The following EYA2 variants were observed in gnomAD, a reference collection of about 807,000 sequenced individuals.
EYA2 encodes the protein EYA transcriptional coactivator and phosphatase 2.
EYA2 carries 31 observed loss-of-function variants against 69.2 expected under a neutral mutation model. That is an observed-to-expected ratio of 0.45 (90% CI 0.34 to 0.60). The LOEUF is 0.60. EYA2 is among the 20% of genes least tolerant of loss of function. EYA2 has a pLI of 0.02. For missense variants in EYA2, 622 were observed against 701.2 expected, an observed-to-expected ratio of 0.89 and a Z score of 1.28; for synonymous variants, 257 against 279.4, an observed-to-expected ratio of 0.92 and a Z score of 0.80.
intron 1 of EYA2, among the ~76,000 whole-genome samples, chr20:46,989,587 A>T (rs1180875784): frequency 6.6e-6 from 1 of 152,196 alleles, no homozygotes; most frequent in Non-Finnish European, 1.5e-5. Flanking sequence ...TCTTAACCAC[A>T]GTCAACTCCA....
At chr20:47,123,994 AGGT>A (rs1309169707) in intron 9 of EYA2, among the ~76,000 whole-genome samples, 46 of 150,952 alleles carry the variant, frequency 3.0e-4, no homozygotes, top group African/African-American at 1.1e-3. Flanking sequence ...AAAAAAAAAA[AGGT>A]GGGGGAGTGG....
intron 1 of EYA2, among the ~76,000 whole-genome samples, chr20:46,929,290 A>G (rs1985559589): frequency 6.6e-6 from 1 of 152,118 alleles, no homozygotes; most frequent in Non-Finnish European, 1.5e-5. Context: ...CTCTGAAGGA[A>G]CTGGGAACTG....
intron 9 of EYA2, among the ~76,000 whole-genome samples, chr20:47,109,239 C>G (rs2032681069): frequency 6.6e-6 from 1 of 152,178 alleles, no homozygotes; most frequent in Non-Finnish European, 1.5e-5. Context: ...TGCACATTTC[C>G]TATACACCAA....
chr20:47,183,507 C>T, intron 15 of EYA2, 116 bp downstream of exon 15: 5 of 811,914 alleles, frequency 6.2e-6, no homozygotes, highest in Non-Finnish European at 9.8e-6. Context: ...GTCCTCCTTC[C>T]CAGGCTCCTT....
chr20:46,912,764 A>C (rs1451630557), intron 1 of EYA2, among the ~76,000 whole-genome samples: 3 of 149,064 alleles, frequency 2.0e-5, no homozygotes, highest in African/African-American at 7.4e-5. Context: ...GCAGTGGCGC[A>C]ATCTCGGCTC....
At chr20:47,094,699 T>C (rs539263429) in intron 8 of EYA2, among the ~76,000 whole-genome samples, 3 of 152,112 alleles carry the variant, frequency 2.0e-5, no homozygotes, top group Non-Finnish European at 4.4e-5. Flanking sequence ...TTGAAAATAA[T>C]GATCACCAGA....
chr20:46,904,727 C>T lies in EYA2; in HGVS notation c.-11+9740C>T, dbSNP rs114575384. Among the ~76,000 whole-genome samples the T allele has an allele frequency of 3.8e-3, 581 of 152,320 alleles. 4 individuals carry two copies. The highest frequency in any genetic ancestry group is 0.014 in the African/African-American group (562 of 41,564). On this transcript the variant is annotated intron_variant, in intron 1 of 15. Transcript: ENST00000327619. ...GACGCACGGCCCCTCCCAACCCTGG[C>T]TTTGAATGGTGCCCACTCAGAACCT... is the stretch of plus-strand genomic sequence containing the variant.
chr20:47,059,668 C>T (rs1331425310), intron 5 of EYA2, among the ~76,000 whole-genome samples: 1 of 152,232 alleles, frequency 6.6e-6, no homozygotes, highest in Non-Finnish European at 1.5e-5. Flanking sequence ...TATTTCAAGC[C>T]ACCATTCTTC....
intron 2 of EYA2, among the ~76,000 whole-genome samples, chr20:46,996,869 G>C (rs144883872): frequency 1.3e-5 from 2 of 151,958 alleles, no homozygotes; most frequent in Admixed American, 6.5e-5. Context: ...GGAAGAGAGG[G>C]GGGTGGCAAG....
chr20:46,969,747 G>A (rs1380026534), intron 1 of EYA2, among the ~76,000 whole-genome samples: 4 of 152,166 alleles, frequency 2.6e-5, no homozygotes, highest in African/African-American at 7.2e-5. Flanking sequence ...CTCTTTGGGG[G>A]TTCATTTAAT....
chr20:47,056,006 T>C (rs1040400026), intron 5 of EYA2, among the ~76,000 whole-genome samples: 2 of 152,204 alleles, frequency 1.3e-5, no homozygotes, highest in African/African-American at 2.4e-5. Flanking sequence ...TCCCGACTTG[T>C]GTGGCAGAGA....
chr20:47,108,734 G>A (rs2032662632), intron 9 of EYA2, among the ~76,000 whole-genome samples: 1 of 151,988 alleles, frequency 6.6e-6, no homozygotes, highest in African/African-American at 2.4e-5. Flanking sequence ...ACTGTGCCCA[G>A]CTAATTTTTT....
chr20:47,032,219 C>T (rs890921802), intron 5 of EYA2, among the ~76,000 whole-genome samples: 1 of 152,154 alleles, frequency 6.6e-6, no homozygotes, highest in South Asian at 2.1e-4. Context: ...AAGCGGGGAC[C>T]AGAGTCCAGA....
intron 10 of EYA2, among the ~76,000 whole-genome samples, chr20:47,150,015 A>T (rs1410908062): frequency 6.6e-6 from 1 of 152,188 alleles, no homozygotes; most frequent in Non-Finnish European, 1.5e-5. Flanking sequence ...TGCCTGAGTG[A>T]GGTGCTGTCC....
intron 5 of EYA2, among the ~76,000 whole-genome samples, chr20:47,045,142 G>T (rs891064648): frequency 6.6e-6 from 1 of 152,188 alleles, no homozygotes; most frequent in Non-Finnish European, 1.5e-5. Context: ...GGCTCAGCTA[G>T]GTGGTTTTCC....
At chr20:47,019,183 C>A (rs1362291661) in intron 5 of EYA2, among the ~76,000 whole-genome samples, 3 of 152,096 alleles carry the variant, frequency 2.0e-5, no homozygotes, top group African/African-American at 7.2e-5. Context: ...AGCCTAGGGC[C>A]CCACCCCCCA....
chr20:47,142,759 C>G (rs745712867), intron 9 of EYA2, among the ~76,000 whole-genome samples: 4 of 152,232 alleles, frequency 2.6e-5, no homozygotes, highest in Non-Finnish European at 5.9e-5. Context: ...ACAGCCATAT[C>G]ATATCTGTGA....
At chr20:46,960,729 G>A (rs974859538) in intron 1 of EYA2, among the ~76,000 whole-genome samples, 1 of 152,114 alleles carries the variant, frequency 6.6e-6, no homozygotes, top group Non-Finnish European at 1.5e-5. Context: ...CGCAAAGTTC[G>A]GTAGTTCAGC....
At chr20:47,117,321 T>C in intron 9 of EYA2, 1 of 972,974 alleles carries the variant, frequency 1.0e-6, no homozygotes, top group Non-Finnish European at 1.2e-6. Context: ...AGCATCTGCA[T>C]TTAACTCCAT....
Sources: gnomAD v4.1 joint callset for allele counts (sites outside exome capture counted in the v4.1 genomes callset) on GRCh38, gnomAD v4.1.1 for gene constraint, MANE v1.5 for transcripts, NCBI Gene and HGNC (gene_info 2026-07-23, HGNC 2026-07-21) for gene names.